Variants in GRM7 observed in about 807,000 individuals in gnomAD.
GRM7 encodes metabotropic glutamate receptor 7.
Under a neutral mutation model 84.5 loss-of-function variants are expected in GRM7, and 35 were observed. That is an observed-to-expected ratio of 0.41 (90% CI 0.32 to 0.55). The LOEUF (loss-of-function observed/expected upper bound fraction) is 0.55, where lower values mean the gene tolerates loss of function less well. Among genes scored for constraint, GRM7 ranks in the 20% least tolerant of loss-of-function variants. The pLI is 0.19. For missense variants in GRM7, 1,003 were observed against 1,194.6 expected, an observed-to-expected ratio of 0.84 and a Z score of 2.36; for synonymous variants, 487 against 455.1, an observed-to-expected ratio of 1.07 and a Z score of -0.89.
At chr3:7,559,383 A>C (rs1311223893) in intron 7 of GRM7, 2 of 152,032 alleles carry the variant, frequency 1.3e-5, no homozygotes, top group Non-Finnish European at 2.9e-5. Flanking sequence ...ATTATCTACT[A>C]TTGCTGCCTC....
At chr3:7,138,302 A>G (rs1693835183) in intron 1 of GRM7, among the ~76,000 whole-genome samples, 1 of 152,036 alleles carries the variant, frequency 6.6e-6, no homozygotes, top group Non-Finnish European at 1.5e-5. Flanking sequence ...CCAATCAACA[A>G]GACGTTAGAC....
chr3:7,526,409 C>A (rs1454354074), intron 7 of GRM7, among the ~76,000 whole-genome samples: 1 of 151,390 alleles, frequency 6.6e-6, no homozygotes, highest in African/African-American at 2.4e-5. Context: ...ATTTAAGTTT[C>A]TTATAGATTA....
intron 7 of GRM7, among the ~76,000 whole-genome samples, chr3:7,550,968 G>A (rs1340669199): frequency 2.0e-5 from 3 of 152,082 alleles, no homozygotes; most frequent in Non-Finnish European, 4.4e-5. Context: ...AAATATCAGG[G>A]TTAGAATCCC....
At chr3:7,140,018 C>T (rs530302745) in intron 1 of GRM7, among the ~76,000 whole-genome samples, 1 of 152,098 alleles carries the variant, frequency 6.6e-6, no homozygotes, top group South Asian at 2.1e-4. Context: ...ATATACATTT[C>T]TTCAAAGGAG....
intron 1 of GRM7, among the ~76,000 whole-genome samples, chr3:6,981,629 A>G (rs896073944): frequency 1.3e-5 from 2 of 152,164 alleles, no homozygotes; most frequent in Non-Finnish European, 2.9e-5. Flanking sequence ...TCAAACTGAT[A>G]GCCTCCGAGT....
intron 1 of GRM7, among the ~76,000 whole-genome samples, chr3:7,062,559 A>T (rs952193125): frequency 8.6e-5 from 13 of 151,792 alleles, no homozygotes; most frequent in African/African-American, 3.1e-4. Context: ...AATCACCCCC[A>T]GGGAGTTTGC....
chr3:7,491,196 G>T (rs1202372791), intron 7 of GRM7, among the ~76,000 whole-genome samples: 1 of 151,484 alleles, frequency 6.6e-6, no homozygotes, highest in Non-Finnish European at 1.5e-5. Flanking sequence ...GCTTATATTA[G>T]GTATTCAGTT....
chr3:7,597,153 C>G (rs1461498767), intron 8 of GRM7, among the ~76,000 whole-genome samples: 1 of 152,012 alleles, frequency 6.6e-6, no homozygotes, highest in Non-Finnish European at 1.5e-5. Flanking sequence ...CTGGGGAGGT[C>G]TCAGGAAGTT....
At chr3:7,099,449 A>G (rs542427049) in intron 1 of GRM7, among the ~76,000 whole-genome samples, 55 of 149,292 alleles carry the variant, frequency 3.7e-4, no homozygotes, top group Non-Finnish European at 6.7e-4. Flanking sequence ...ATACATATGT[A>G]CATGTACATA....
chr3:7,468,287 A>G (rs1698544114), intron 7 of GRM7, among the ~76,000 whole-genome samples: 1 of 152,192 alleles, frequency 6.6e-6, no homozygotes, highest in East Asian at 1.9e-4. Flanking sequence ...TCTTTTGTGG[A>G]ACCACCTTTC....
intron 1 of GRM7, among the ~76,000 whole-genome samples, chr3:7,127,486 C>G (rs1036411912): frequency 6.6e-6 from 1 of 152,142 alleles, no homozygotes; most frequent in African/African-American, 2.4e-5. Context: ...TTAGCAATAT[C>G]TGCTAAATTC....
intron 7 of GRM7, among the ~76,000 whole-genome samples, chr3:7,491,412 G>GTGTATATATA (rs1553605916): frequency 6.7e-6 from 1 of 149,774 alleles, no homozygotes; most frequent in African/African-American, 2.5e-5. Context: ...GATTTAGATG[G>GTGTATATATA]TATATATATA....
At chr3:6,902,851 A>C (rs1163004090) in intron 1 of GRM7, among the ~76,000 whole-genome samples, 1 of 16,550 alleles carries the variant, frequency 6.0e-5, no homozygotes, top group Non-Finnish European at 1.2e-4. Flanking sequence ...ACAGACTCCT[A>C]CACACACACA....
chr3:6,870,993 G>A (rs537500485), intron 1 of GRM7, among the ~76,000 whole-genome samples: 6 of 152,246 alleles, frequency 3.9e-5, no homozygotes, highest in South Asian at 2.1e-4. Flanking sequence ...ATCCGAAAGC[G>A]TTATTTTAAA....
chr3:7,659,395 G>A (rs1466920350), intron 8 of GRM7, among the ~76,000 whole-genome samples: 2 of 152,134 alleles, frequency 1.3e-5, no homozygotes, highest in South Asian at 2.1e-4. Flanking sequence ...GATTAATCTA[G>A]TAGGGGCCCA....
chr3:6,881,503 G>T (rs909004367), intron 1 of GRM7, among the ~76,000 whole-genome samples: 3 of 151,950 alleles, frequency 2.0e-5, no homozygotes, highest in African/African-American at 7.3e-5. Context: ...ATATTCCATG[G>T]TTTATATGTA....
intron 8 of GRM7, chr3:7,607,975 C>T (rs905041491): frequency 1.1e-5 from 3 of 265,492 alleles, no homozygotes; most frequent in Admixed American, 3.9e-5. Context: ...TAAGTGAGAA[C>T]ACACCATATT....
chr3:7,052,142 CTTG>C (rs1027407701), intron 1 of GRM7, among the ~76,000 whole-genome samples: 1 of 151,630 alleles, frequency 6.6e-6, no homozygotes, highest in Non-Finnish European at 1.5e-5. Context: ...AGAAGTAACA[CTTG>C]TTGTTTGGAC....
chr3:7,370,039 T>G (rs572285910), intron 4 of GRM7, among the ~76,000 whole-genome samples: 24 of 152,230 alleles, frequency 1.6e-4, no homozygotes, highest in African/African-American at 5.8e-4. Flanking sequence ...CCAGCCACTT[T>G]GCCTCACCCA....
Sources: allele counts gnomAD v4.1 joint callset (sites outside exome capture counted in the v4.1 genomes callset), GRCh38; gene constraint gnomAD v4.1.1; transcripts MANE v1.5; gene names NCBI Gene and HGNC (gene_info 2026-07-23, HGNC 2026-07-21).